The following TCF4 variants were observed in gnomAD, a reference collection of about 807,000 sequenced individuals.
TCF4 encodes the protein SL3-3 enhancer factor 2.
TCF4 carries 3 observed loss-of-function variants against 82.1 expected under a neutral mutation model. The observed-to-expected ratio is 0.04, with a 90% CI of 0.02 to 0.09. The LOEUF (loss-of-function observed/expected upper bound fraction) is 0.09. TCF4 is among the 10% of genes least tolerant of loss of function. TCF4 has a pLI of 1.00. For synonymous variants in TCF4, 276 were observed against 309.6 expected (o/e 0.89, Z 1.14); for missense variants, 518 against 852.7 (o/e 0.61, Z 4.89).
At chr18:55,501,603 A>C (rs1484526781) in intron 3 of TCF4, among the ~76,000 whole-genome samples, 2 of 152,182 alleles carry the variant, frequency 1.3e-5, no homozygotes, top group Non-Finnish European at 1.5e-5. Flanking sequence ...GTTTTAAAAG[A>C]GACAGATATG....
intron 5 of TCF4, among the ~76,000 whole-genome samples, chr18:55,427,449 G>A (rs746687574): frequency 1.3e-5 from 2 of 152,212 alleles, no homozygotes; most frequent in South Asian, 2.1e-4. Context: ...ACACTTTGCA[G>A]TGTAGTGAGA....
At chr18:55,605,013 G>A (rs1348020871) in intron 2 of TCF4, among the ~76,000 whole-genome samples, 2 of 152,184 alleles carry the variant, frequency 1.3e-5, no homozygotes, top group Admixed American at 6.5e-5. Context: ...CACAGACCCA[G>A]GGAGGACAGC....
chr18:55,255,888 T>C (rs1226587626), intron 14 of TCF4, among the ~76,000 whole-genome samples: 8 of 152,190 alleles, frequency 5.3e-5, no homozygotes, highest in Admixed American at 3.3e-4. Flanking sequence ...ACCAGCTCTA[T>C]TGCATGAGAA....
At chr18:55,311,857 T>A (rs2072570491) in intron 8 of TCF4, among the ~76,000 whole-genome samples, 1 of 152,220 alleles carries the variant, frequency 6.6e-6, no homozygotes, top group Non-Finnish European at 1.5e-5. Flanking sequence ...TAAACAAGTT[T>A]GAGTAATAAA....
chr18:55,279,155 T>G (rs1384506569), intron 9 of TCF4, among the ~76,000 whole-genome samples: 1 of 152,140 alleles, frequency 6.6e-6, no homozygotes, highest in East Asian at 1.9e-4. Context: ...AGGTTATACA[T>G]TAGGCCAACT....
intron 1 of TCF4, among the ~76,000 whole-genome samples, chr18:55,635,493 A>C (rs1314656864): frequency 6.6e-6 from 1 of 151,084 alleles, no homozygotes; most frequent in African/African-American, 2.4e-5. Context: ...TGTGAGACAG[A>C]GTGAGGCCCT....
At chr18:55,294,896 A>G (rs1049294957) in intron 8 of TCF4, among the ~76,000 whole-genome samples, 2 of 152,174 alleles carry the variant, frequency 1.3e-5, no homozygotes, top group African/African-American at 4.8e-5. Flanking sequence ...TTTTTAAAAT[A>G]ACAGTTGCAA....
intron 8 of TCF4, among the ~76,000 whole-genome samples, chr18:55,308,117 T>C (rs921980256): frequency 2.0e-5 from 3 of 152,354 alleles, no homozygotes; most frequent in South Asian, 2.1e-4. Context: ...AGTATGGATG[T>C]AGGTATGTAC....
intron 3 of TCF4, among the ~76,000 whole-genome samples, chr18:55,517,031 T>C (rs2096889137): frequency 6.6e-6 from 1 of 152,172 alleles, no homozygotes; most frequent in African/African-American, 2.4e-5. Context: ...TACAAAGTCC[T>C]AGCAACAGAG....
At chr18:55,471,133 C>T (rs1003770289) in intron 3 of TCF4, among the ~76,000 whole-genome samples, 1 of 152,148 alleles carries the variant, frequency 6.6e-6, no homozygotes, top group Non-Finnish European at 1.5e-5. Context: ...TGCACATTTT[C>T]ATTAGCACCC....
At chr18:55,497,713 G>A (rs1426378224) in intron 3 of TCF4, among the ~76,000 whole-genome samples, 2 of 152,154 alleles carry the variant, frequency 1.3e-5, no homozygotes, top group Non-Finnish European at 1.5e-5. Flanking sequence ...ATTATTTAAA[G>A]ATCAAGTTAA....
chr18:55,564,593 T>C (rs1043161864), intron 3 of TCF4, among the ~76,000 whole-genome samples: 39 of 152,182 alleles, frequency 2.6e-4, no homozygotes, highest in African/African-American at 9.2e-4. Context: ...TCTAGGTGCA[T>C]GGCAGTGTCA....
intron 3 of TCF4, among the ~76,000 whole-genome samples, chr18:55,493,021 T>C (rs1426375500): frequency 1.3e-5 from 2 of 152,138 alleles, no homozygotes; most frequent in African/African-American, 2.4e-5. Context: ...CACATCTCCA[T>C]TGACATAGCT....
intron 6 of TCF4, among the ~76,000 whole-genome samples, chr18:55,360,183 G>A (rs1178879464): frequency 6.6e-6 from 1 of 152,120 alleles, no homozygotes; most frequent in Non-Finnish European, 1.5e-5. Context: ...AAAACAGCTG[G>A]CTAAAAAAAT....
chr18:55,294,296 T>C (rs1164640667), intron 8 of TCF4, among the ~76,000 whole-genome samples: 4 of 151,944 alleles, frequency 2.6e-5, no homozygotes, highest in Non-Finnish European at 5.9e-5. Flanking sequence ...AAGAAATTCA[T>C]ATCTTATATG....
chr18:55,398,269 T>C (rs909680034), intron 6 of TCF4, among the ~76,000 whole-genome samples: 9 of 152,238 alleles, frequency 5.9e-5, no homozygotes, highest in African/African-American at 2.2e-4. Flanking sequence ...AAAATACCGC[T>C]CAGGGACACA....
intron 8 of TCF4, among the ~76,000 whole-genome samples, chr18:55,343,874 A>G (rs2080571134): frequency 6.6e-6 from 1 of 151,402 alleles, no homozygotes; most frequent in African/African-American, 2.5e-5. Flanking sequence ...GCGTGCACAC[A>G]CACATCCGGG....
intron 5 of TCF4, among the ~76,000 whole-genome samples, chr18:55,434,387 T>C (rs2095275530): frequency 6.6e-6 from 1 of 151,528 alleles, no homozygotes; most frequent in South Asian, 2.1e-4. Flanking sequence ...CTGGTTCTGG[T>C]AATGTGTTTT....
chr18:55,608,369 ATTTTTTT>A (rs746413576), intron 2 of TCF4, among the ~76,000 whole-genome samples: 1 of 117,272 alleles, frequency 8.5e-6, no homozygotes, highest in African/African-American at 3.3e-5. Context: ...TTGCCACAGT[ATTTTTTT>A]TTTTTTTTTT....
Sources: allele counts gnomAD v4.1 joint callset (sites outside exome capture counted in the v4.1 genomes callset), GRCh38; gene constraint gnomAD v4.1.1; transcripts MANE v1.5; gene names NCBI Gene and HGNC (gene_info 2026-07-23, HGNC 2026-07-21).